PALS1: variants seen among roughly 807,000 people sequenced by gnomAD.
PALS1 encodes protein associated with LIN7 1, MAGUK p55 family member, also known as protein PALS1.
A neutral mutation model predicts 78.9 loss-of-function variants in PALS1; 31 were observed. The observed-to-expected ratio is 0.39, with a 90% CI of 0.30 to 0.53. PALS1 has a LOEUF of 0.53. PALS1 is among the 20% of genes least tolerant of loss of function. PALS1 has a pLI of 0.67. For missense variants in PALS1, 704 were observed against 826.5 expected, an observed-to-expected ratio of 0.85 and a Z score of 1.82; for synonymous variants, 276 against 270.9, an observed-to-expected ratio of 1.02 and a Z score of -0.18.
chr14:67,321,326 A>G, intron 13 of PALS1, 67 bp downstream of exon 13: 1 of 1,509,522 alleles, frequency 6.6e-7, no homozygotes, highest in Non-Finnish European at 9.2e-7. Flanking sequence ...ATCTAGTGGA[A>G]GCTATATTTT....
At chr14:67,272,753 G>T (rs765140789) in intron 2 of PALS1, among the ~76,000 whole-genome samples, 13 of 152,106 alleles carry the variant, frequency 8.5e-5, no homozygotes, top group South Asian at 6.2e-4. Context: ...CTGCCTCCTG[G>T]GTTCAAGTGA....
intron 3 of PALS1, among the ~76,000 whole-genome samples, chr14:67,281,389 AT>A (rs908662218): frequency 6.6e-5 from 10 of 152,228 alleles, no homozygotes; most frequent in African/African-American, 1.2e-4. Flanking sequence ...AAAAGATTAC[AT>A]TTTTTTAATA....
chr14:67,271,029 A>G (rs1214983184), intron 2 of PALS1: 1 of 152,216 alleles, frequency 6.6e-6, no homozygotes, highest in Admixed American at 6.5e-5. Flanking sequence ...AGATATAGCT[A>G]GAAATCTTGG....
intron 13 of PALS1, among the ~76,000 whole-genome samples, chr14:67,323,464 A>G (rs2085298742): frequency 6.6e-6 from 1 of 151,704 alleles, no homozygotes; most frequent in South Asian, 2.1e-4. Flanking sequence ...AAAAGTAAAA[A>G]GTTAGCTGAA....
rs1292522213 is a variant in PALS1 at position 67,317,469 on chromosome 14, T to TAAAAA, written c.1360_1364dup (p.Asn455LysfsTer12). On this transcript the variant is annotated frameshift_variant, in exon 11 of 15. Transcript: ENST00000261681. LOFTEE classifies it high-confidence loss of function. Reference sequence around the variant, plus strand: ...GGAAAAAGGTTTTATATAATGCCAATAAAAATGATGGTAAGTTCTACTCTC... The same window carrying TAAAAA: ...GGAAAAAGGTTTTATATAATGCCAATAAAAAAAAAATGATGGTAAGTTCTACTCTC... 6.2e-7 allele frequency: 1 copy of TAAAAA among 1,605,558 alleles called. No individual in the cohort carries two copies. The highest frequency in any genetic ancestry group is 8.5e-7 in the Non-Finnish European group (1 of 1,173,312).
chr14:67,249,310 T>C (rs766398338), intron 1 of PALS1, among the ~76,000 whole-genome samples: 1 of 152,160 alleles, frequency 6.6e-6, no homozygotes, highest in Admixed American at 6.6e-5. Flanking sequence ...ATGACAGTAA[T>C]TGTAGTAATG....
At chr14:67,305,276 A>G (rs2084984879) in intron 8 of PALS1, among the ~76,000 whole-genome samples, 1 of 152,126 alleles carries the variant, frequency 6.6e-6, no homozygotes, top group Non-Finnish European at 1.5e-5. Flanking sequence ...TAAATGTCAG[A>G]AGTTAAGACA....
chr14:67,301,700 C>A (rs959704773), intron 5 of PALS1, among the ~76,000 whole-genome samples: 23 of 152,016 alleles, frequency 1.5e-4, no homozygotes, highest in Non-Finnish European at 2.5e-4. Flanking sequence ...ATTCTTCCCC[C>A]CTTTGGTTGT....
chr14:67,290,318 C>CT, intron 3 of PALS1, among the ~76,000 whole-genome samples: 1 of 152,290 alleles, frequency 6.6e-6, no homozygotes, highest in Admixed American at 6.5e-5. Context: ...TAATGCTACT[C>CT]TAACAAAACA....
intron 1 of PALS1, among the ~76,000 whole-genome samples, chr14:67,261,848 T>C (rs1002211036): frequency 2.6e-5 from 4 of 152,074 alleles, no homozygotes; most frequent in Non-Finnish European, 4.4e-5. Context: ...TGTTAGCATA[T>C]GTAACAGTGA....
chr14:67,267,454 T>C (rs1271817448), intron 1 of PALS1, among the ~76,000 whole-genome samples: 1 of 152,026 alleles, frequency 6.6e-6, no homozygotes, highest in Non-Finnish European at 1.5e-5. Flanking sequence ...GTTCATCATG[T>C]TGGCCAGGCT....
intron 4 of PALS1, chr14:67,294,544 A>G (rs1463672566): frequency 6.6e-6 from 1 of 152,224 alleles, no homozygotes; most frequent in Non-Finnish European, 1.5e-5. Flanking sequence ...ATGGCTTAAA[A>G]TATCAGTTAA....
chr14:67,303,612 TA>T lies in PALS1; in HGVS notation c.1041+16del. ...CAAGGAAACAGTAGTAAGTGATTTTTAAATGTTCATTATTTATGTGTTTGTG... is the reference window on the plus strand; with the variant it reads ...CAAGGAAACAGTAGTAAGTGATTTTTAATGTTCATTATTTATGTGTTTGTG... On this transcript the variant is annotated intron_variant, in intron 8 of 14. Coordinates refer to ENST00000261681, the MANE Select transcript of PALS1 (RefSeq NM_022474.4). 1.3e-6 allele frequency: 2 copies of T among 1,592,034 alleles called. No individual in the cohort carries two copies. The highest frequency in any genetic ancestry group is 1.7e-6 in the Non-Finnish European group (2 of 1,159,964).
At chr14:67,275,498 G>C (rs1026390952) in intron 2 of PALS1, among the ~76,000 whole-genome samples, 1 of 152,132 alleles carries the variant, frequency 6.6e-6, no homozygotes, top group Non-Finnish European at 1.5e-5. Context: ...TAAGCTTTTC[G>C]ATGTGCTGCT....
In PALS1 at chr14:67,320,264, A is replaced by C; in HGVS notation, c.1404A>C (p.Glu468Asp). 1 of 1,613,486 alleles carries C rather than the reference A, an allele frequency of 6.2e-7. No homozygotes were observed. Among genetic ancestry groups the C allele is most frequent in the Non-Finnish European group, 8.5e-7 (1 of 1,179,748 alleles). ...ACGAGGAGATCTTAACCTATGAGGA[A>C]ATGTCACTTTATCATCAGCCAGCAA... ...YDNEEILTYE[E>D]MSLYHQPANR... Residue 468 changes from glutamate to aspartate, a missense_variant, in exon 12 of 15, where the codon GAA becomes GAC. Physicochemically the swap from Glu to Asp is conservative, Grantham distance 45. Coordinates refer to ENST00000261681, the MANE Select transcript of PALS1 (RefSeq NM_022474.4).
chr14:67,270,980 G>A (rs2084398779), intron 2 of PALS1: 1 of 152,172 alleles, frequency 6.6e-6, no homozygotes, highest in Non-Finnish European at 1.5e-5. Flanking sequence ...ACACAAATGA[G>A]GAAGGTAAAT....
chr14:67,311,516 T>A (rs2085088724), intron 8 of PALS1, among the ~76,000 whole-genome samples: 1 of 152,204 alleles, frequency 6.6e-6, no homozygotes, highest in Admixed American at 6.5e-5. Context: ...AGTAGATTTC[T>A]TATAGATTTT....
chr14:67,323,758 C>T lies in PALS1; in HGVS notation c.1797C>T (p.Pro599=). 6.2e-7 allele frequency: 1 copy of T among 1,605,386 alleles called. No homozygotes were observed. The highest frequency in any genetic ancestry group is 8.5e-7 in the Non-Finnish European group (1 of 1,176,706). The part of the protein sequence containing the change: ...DLKPYIIFIA[P]PSQERLRALL... ...AACCATATATTATCTTCATTGCACCCCCTTCACAAGAAAGACTTCGGGCAT... is the reference window on the plus strand; with the variant it reads ...AACCATATATTATCTTCATTGCACCTCCTTCACAAGAAAGACTTCGGGCAT... Residue 599 remains proline, a synonymous_variant, in exon 14 of 15, where the codon CCC becomes CCT. Coordinates refer to ENST00000261681, the MANE Select transcript of PALS1 (RefSeq NM_022474.4).
At chr14:67,293,612 T>C (rs1407923088) in intron 4 of PALS1, among the ~76,000 whole-genome samples, 2 of 152,176 alleles carry the variant, frequency 1.3e-5, no homozygotes, top group African/African-American at 2.4e-5. Context: ...AAATTACTTT[T>C]CTTACGGAGA....
Sources: allele counts gnomAD v4.1 joint callset (sites outside exome capture counted in the v4.1 genomes callset), GRCh38; gene constraint gnomAD v4.1.1; transcripts MANE v1.5; gene names NCBI Gene and HGNC (gene_info 2026-07-23, HGNC 2026-07-21).